Variants in GALNT9 observed in about 807,000 individuals in gnomAD.
The protein encoded by GALNT9 is GalNAc transferase 9.
A neutral mutation model predicts 63.1 loss-of-function variants in GALNT9; 47 were observed. That is an observed-to-expected ratio of 0.75 (90% CI 0.59 to 0.95). The LOEUF is 0.95. GALNT9 is among the 40% of genes least tolerant of loss of function. GALNT9 has a pLI of 0.00. For missense variants in GALNT9, 829 were observed against 874.8 expected, an observed-to-expected ratio of 0.95 and a Z score of 0.66; for synonymous variants, 396 against 365.7, an observed-to-expected ratio of 1.08 and a Z score of -0.94.
At chr12:132,230,964 CCCT>C (rs1877869241) in intron 6 of GALNT9, among the ~76,000 whole-genome samples, 1 of 152,018 alleles carries the variant, frequency 6.6e-6, no homozygotes, top group Non-Finnish European at 1.5e-5. Context: ...CAGAGACTCA[CCCT>C]AGTGCCACAC....
chr12:132,325,880 G>A (rs942418267), intron 1 of GALNT9, among the ~76,000 whole-genome samples: 1 of 152,258 alleles, frequency 6.6e-6, no homozygotes, highest in Non-Finnish European at 1.5e-5. Flanking sequence ...GGGGCAGGAG[G>A]GCCAGGACCG....
intron 2 of GALNT9, among the ~76,000 whole-genome samples, chr12:132,262,991 C>T (rs1317001785): frequency 6.6e-6 from 1 of 151,440 alleles, no homozygotes; most frequent in Non-Finnish European, 1.5e-5. Flanking sequence ...GTGCTCACAG[C>T]GACCCCGAGA....
At chr12:132,267,391 C>T (rs1239063054) in intron 2 of GALNT9, among the ~76,000 whole-genome samples, 1 of 152,228 alleles carries the variant, frequency 6.6e-6, no homozygotes, top group Admixed American at 6.5e-5. Context: ...AAACAGCAGA[C>T]AGGAGGATGG....
intron 6 of GALNT9, among the ~76,000 whole-genome samples, chr12:132,225,491 TACC>T (rs1263143367): frequency 7.8e-6 from 1 of 128,382 alleles, no homozygotes; most frequent in Middle Eastern, 5.7e-3. Flanking sequence ...CACACATACA[TACC>T]ACACAATCCA....
At chr12:132,213,868 T>C (rs551342646) in intron 6 of GALNT9, among the ~76,000 whole-genome samples, 8 of 152,348 alleles carry the variant, frequency 5.3e-5, no homozygotes, top group African/African-American at 1.9e-4. Context: ...CATCAGTTGG[T>C]GCGCGTGGGC....
chr12:132,329,102 G>A lies in GALNT9; in HGVS notation c.102C>T (p.Ser34=), dbSNP rs1869181777. The A allele has an allele frequency of 1.3e-6, 2 of 1,549,162 alleles. No homozygotes were observed. Among genetic ancestry groups the A allele is most frequent in the South Asian group, 2.4e-5 (2 of 84,032 alleles). ...FSVYCRLQGR[S]QELVRIVSGD... The stretch of plus-strand genomic sequence containing the variant: ...CGCTCACGATGCGCACGAGCTCCTG[G>A]GAGCGGCCCTGCAGGCGGCAGTACA... Residue 34 remains serine (S), a synonymous_variant, in exon 1 of 11, where the codon TCC becomes TCT. Coordinates refer to ENST00000328957, the MANE Select transcript of GALNT9 (RefSeq NM_001122636.2).
At chr12:132,313,448 T>TATCTAC in intron 1 of GALNT9, among the ~76,000 whole-genome samples, 1 of 131,670 alleles carries the variant, frequency 7.6e-6, no homozygotes, top group Middle Eastern at 5.3e-3. Flanking sequence ...CATCCATCCA[T>TATCTAC]CCATCCACTC....
chr12:132,289,733 C>T (rs772961817), intron 1 of GALNT9, among the ~76,000 whole-genome samples: 5 of 152,226 alleles, frequency 3.3e-5, no homozygotes, highest in Non-Finnish European at 7.3e-5. Flanking sequence ...CTCCCTCCAC[C>T]CGGGGCTCCA....
chr12:132,212,122 C>T lies in GALNT9; in HGVS notation c.1078-8432G>A, dbSNP rs117807299. Among the ~76,000 whole-genome samples, 313 of 150,344 alleles carry T rather than the reference C, an allele frequency of 2.1e-3. 3 individuals are homozygous for T. The East Asian group carries it at 0.033, about 16-fold the overall frequency. ...AAGGATGCCAGCCTTCAGACCGTGACACGGAAACCCCACCCGGGTCTACAG... is the reference window on the plus strand; with the variant it reads ...AAGGATGCCAGCCTTCAGACCGTGATACGGAAACCCCACCCGGGTCTACAG... On this transcript the variant is annotated intron_variant, in intron 6 of 10. Coordinates refer to ENST00000328957, the MANE Select transcript of GALNT9 (RefSeq NM_001122636.2).
At chr12:132,229,075 G>A (rs1877803264) in intron 6 of GALNT9, among the ~76,000 whole-genome samples, 1 of 152,196 alleles carries the variant, frequency 6.6e-6, no homozygotes, top group Non-Finnish European at 1.5e-5. Context: ...GCCAGTGCAT[G>A]GGGCAGGGGG....
At chr12:132,270,576 C>T (rs1555240639) in intron 2 of GALNT9, among the ~76,000 whole-genome samples, 1 of 152,248 alleles carries the variant, frequency 6.6e-6, no homozygotes, top group Non-Finnish European at 1.5e-5. Context: ...AATTTGACTT[C>T]AATTGACTTC....
chr12:132,299,389 C>T, intron 1 of GALNT9, among the ~76,000 whole-genome samples: 1 of 136,172 alleles, frequency 7.3e-6, no homozygotes, highest in Non-Finnish European at 1.6e-5. Context: ...CACACCTAAC[C>T]CATCCCTGAG....
intron 3 of GALNT9, among the ~76,000 whole-genome samples, chr12:132,261,327 G>C (rs1879375081): frequency 6.6e-6 from 1 of 152,188 alleles, no homozygotes; most frequent in Non-Finnish European, 1.5e-5. Flanking sequence ...TCCAGTGGGA[G>C]ACACAGCAAA....
intron 6 of GALNT9, chr12:132,240,547 C>A (rs2136898563): frequency 5.2e-4 from 232 of 445,994 alleles, no homozygotes; most frequent in Non-Finnish European, 9.1e-4. Flanking sequence ...GGCGTGGCCC[C>A]AGGGCTCAGC....
At chr12:132,198,538 C>T (rs113097985) in intron 9 of GALNT9, among the ~76,000 whole-genome samples, 1,305 of 96,430 alleles carry the variant, frequency 0.014, 15 homozygotes, top group African/African-American at 0.05. Context: ...CCCCCCGAGC[C>T]AATGCTTCCC....
intron 1 of GALNT9, among the ~76,000 whole-genome samples, chr12:132,297,635 G>C (rs1254865854): frequency 6.9e-6 from 1 of 145,748 alleles, no homozygotes; most frequent in Non-Finnish European, 1.5e-5. Flanking sequence ...AGATGACTGA[G>C]TCTCCCCCAA....
At chr12:132,206,347 A>G (rs1876694775) in intron 6 of GALNT9, among the ~76,000 whole-genome samples, 1 of 152,070 alleles carries the variant, frequency 6.6e-6, no homozygotes, top group South Asian at 2.1e-4. Context: ...CAGAGAGATT[A>G]GTTAAAGGCA....
At chr12:132,268,713 G>A (rs1555240453) in intron 2 of GALNT9, among the ~76,000 whole-genome samples, 1 of 152,190 alleles carries the variant, frequency 6.6e-6, no homozygotes, top group African/African-American at 2.4e-5. Context: ...AATGAAAACT[G>A]GGGAAAAGAC....
At chr12:132,323,898 A>T (rs1868915615) in intron 1 of GALNT9, among the ~76,000 whole-genome samples, 2 of 151,646 alleles carry the variant, frequency 1.3e-5, no homozygotes. Context: ...CGGGGCCGGG[A>T]CTGAAGCCTC....
Sources: allele counts gnomAD v4.1 joint callset (sites outside exome capture counted in the v4.1 genomes callset), GRCh38; gene constraint gnomAD v4.1.1; transcripts MANE v1.5; gene names NCBI Gene and HGNC (gene_info 2026-07-23, HGNC 2026-07-21).